The following TAF3 variants were observed in gnomAD, a reference collection of about 807,000 sequenced individuals.
The protein encoded by TAF3 is TATA-box binding protein associated factor 3, also known as transcription initiation factor TFIID subunit 3.
A neutral mutation model predicts 80.6 loss-of-function variants in TAF3; 7 were observed. That is an observed-to-expected ratio of 0.09 (90% CI 0.05 to 0.16). The LOEUF (loss-of-function observed/expected upper bound fraction) is 0.16, where lower values mean the gene tolerates loss of function less well. Ranked by LOEUF, TAF3 falls within the 10% of genes least tolerant of loss-of-function variation. The pLI is 1.00. For synonymous variants in TAF3, 444 were observed against 446.1 expected (o/e 1.00, Z 0.06); for missense variants, 921 against 1,140.2 (o/e 0.81, Z 2.77).
At chr10:7,941,027 AC>A (rs368367776) in intron 2 of TAF3, among the ~76,000 whole-genome samples, 204 of 152,250 alleles carry the variant, frequency 1.3e-3, no homozygotes, top group African/African-American at 4.7e-3. Context: ...AAAGCTCATG[AC>A]CTGTTGAAGT....
intron 2 of TAF3, among the ~76,000 whole-genome samples, chr10:7,940,784 GTC>G (rs1253195669): frequency 6.6e-6 from 1 of 152,010 alleles, no homozygotes; most frequent in Admixed American, 6.6e-5. Context: ...GCAAGACCCT[GTC>G]TCTGCAAAAA....
At chr10:7,933,735 G>A (rs1837890778) in intron 2 of TAF3, among the ~76,000 whole-genome samples, 1 of 152,080 alleles carries the variant, frequency 6.6e-6, no homozygotes, top group Non-Finnish European at 1.5e-5. Flanking sequence ...TCTCAAAGGG[G>A]CAGGGAACAA....
At chr10:7,963,058 C>T (rs61019189) in intron 2 of TAF3, among the ~76,000 whole-genome samples, 2,765 of 152,188 alleles carry the variant, frequency 0.018, 83 homozygotes, top group African/African-American at 0.063. Context: ...TAACTCTAGC[C>T]GAAAAACCAT....
chr10:7,943,181 G>A (rs1019373592), intron 2 of TAF3, among the ~76,000 whole-genome samples: 7 of 152,182 alleles, frequency 4.6e-5, no homozygotes, highest in Non-Finnish European at 8.8e-5. Flanking sequence ...GGCCTCCAGC[G>A]CTGCCTTTGC....
chr10:7,826,195 T>G (rs976853764), intron 2 of TAF3, among the ~76,000 whole-genome samples: 1 of 152,206 alleles, frequency 6.6e-6, no homozygotes, highest in East Asian at 1.9e-4. Flanking sequence ...GCTCTGGATC[T>G]TAGCTGCAGT....
At chr10:7,945,660 G>A (rs193074498) in intron 2 of TAF3, among the ~76,000 whole-genome samples, 335 of 152,134 alleles carry the variant, frequency 2.2e-3, no homozygotes, top group African/African-American at 7.8e-3. Flanking sequence ...CAGCAGCAAG[G>A]GTGTGCCCTT....
chr10:7,987,653 G>A (rs1169084536), intron 4 of TAF3, among the ~76,000 whole-genome samples: 9 of 152,136 alleles, frequency 5.9e-5, no homozygotes, highest in South Asian at 2.1e-4. Context: ...CTCACCAGCC[G>A]TACATGAGGA....
At chr10:7,840,771 G>A (rs970151590) in intron 2 of TAF3, among the ~76,000 whole-genome samples, 1 of 151,896 alleles carries the variant, frequency 6.6e-6, no homozygotes, top group Non-Finnish European at 1.5e-5. Flanking sequence ...AAATTGAACA[G>A]TGTACTCATT....
At chr10:7,981,552 C>T (rs1250961554) in intron 4 of TAF3, among the ~76,000 whole-genome samples, 1 of 152,196 alleles carries the variant, frequency 6.6e-6, no homozygotes, top group Non-Finnish European at 1.5e-5. Context: ...TGAGAGTTCA[C>T]AGTAGGTATT....
At chr10:7,962,047 C>G (rs1286055323) in intron 2 of TAF3, among the ~76,000 whole-genome samples, 2 of 152,046 alleles carry the variant, frequency 1.3e-5, no homozygotes, top group African/African-American at 4.8e-5. Flanking sequence ...GATGGGGTCT[C>G]ACTATGTTGC....
At chr10:7,873,555 C>T (rs1237772886) in intron 2 of TAF3, among the ~76,000 whole-genome samples, 1 of 147,724 alleles carries the variant, frequency 6.8e-6, no homozygotes, top group African/African-American at 2.5e-5. Flanking sequence ...AACAAAATGT[C>T]ATTTTCTAAA....
chr10:7,855,478 G>T (rs934582043), intron 2 of TAF3, among the ~76,000 whole-genome samples: 5 of 152,222 alleles, frequency 3.3e-5, no homozygotes, highest in Admixed American at 2.6e-4. Context: ...GATGCTGGCA[G>T]CCATTTCTTC....
At chr10:7,950,894 TG>T (rs1283808270) in intron 2 of TAF3, among the ~76,000 whole-genome samples, 1 of 152,204 alleles carries the variant, frequency 6.6e-6, no homozygotes, top group African/African-American at 2.4e-5. Flanking sequence ...TCCTGTCTAG[TG>T]GTCCCAGTGC....
At chr10:7,864,597 T>G (rs1837191097) in intron 2 of TAF3, among the ~76,000 whole-genome samples, 1 of 149,262 alleles carries the variant, frequency 6.7e-6, no homozygotes, top group Non-Finnish European at 1.5e-5. Flanking sequence ...GACTCGTGTT[T>G]TCATTTTTCT....
chr10:7,991,199 A>G (rs1831830115), intron 4 of TAF3, among the ~76,000 whole-genome samples: 1 of 152,096 alleles, frequency 6.6e-6, no homozygotes, highest in African/African-American at 2.4e-5. Flanking sequence ...ACACACACAC[A>G]TATACATACA....
chr10:8,001,080 T>C (rs1234077271), intron 4 of TAF3, among the ~76,000 whole-genome samples: 2 of 152,214 alleles, frequency 1.3e-5, no homozygotes. Context: ...AGTTTTTATT[T>C]TTTTATTTTA....
At position 7,993,130 on chromosome 10, in the gene TAF3, C is replaced by T. The variant is rs116719446; in HGVS notation, c.2315+15807C>T. 7.4e-3 allele frequency among the ~76,000 whole-genome samples: 1,133 copies of T among 152,272 alleles called. 18 individuals are homozygous for T. Among genetic ancestry groups the T allele is most frequent in the African/African-American group, 0.026 (1,073 of 41,538 alleles). On this transcript the variant is annotated intron_variant, in intron 4 of 6. Transcript: ENST00000344293. The stretch of plus-strand genomic sequence containing the variant: ...AAACCAGACTTATATCTCATAAGGA[C>T]TTGTAATCTAGACCTGTTATTTTTA...
intron 3 of TAF3, among the ~76,000 whole-genome samples, chr10:7,970,235 A>G (rs1189200086): frequency 2.0e-5 from 3 of 152,198 alleles, no homozygotes; most frequent in African/African-American, 4.8e-5. Flanking sequence ...TGATTGAGGA[A>G]TTGTTTTATT....
chr10:7,871,743 C>T (rs1837268944), intron 2 of TAF3, among the ~76,000 whole-genome samples: 1 of 152,012 alleles, frequency 6.6e-6, no homozygotes, highest in South Asian at 2.1e-4. Flanking sequence ...CGCGCCAGGC[C>T]AACGATTGCT....
Sources: gnomAD v4.1 joint callset for allele counts (sites outside exome capture counted in the v4.1 genomes callset) on GRCh38, gnomAD v4.1.1 for gene constraint, MANE v1.5 for transcripts, NCBI Gene and HGNC (gene_info 2026-07-23, HGNC 2026-07-21) for gene names.